Variants in ARPP19 observed in about 807,000 individuals in gnomAD.
The protein encoded by ARPP19 is cAMP regulated phosphoprotein 19, also known as cAMP-regulated phosphoprotein 19.
Under a neutral mutation model 12.0 loss-of-function variants are expected in ARPP19, and 8 were observed. The observed-to-expected ratio is 0.67, with a 90% confidence interval of 0.39 to 1.21. ARPP19 has a LOEUF of 1.21. Ranked by LOEUF, ARPP19 falls within the 50% of genes most tolerant of loss-of-function variation. The pLI is 0.01. For synonymous variants in ARPP19, 47 were observed against 50.4 expected (o/e 0.93, Z 0.29); for missense variants, 102 against 136.3 (o/e 0.75, Z 1.25).
At chr15:52,565,209 G>A (rs575081225) in intron 1 of ARPP19, among the ~76,000 whole-genome samples, 1 of 151,880 alleles carries the variant, frequency 6.6e-6, no homozygotes, top group East Asian at 1.9e-4. Context: ...TATTATTTTA[G>A]AGACGGGGTT....
At chr15:52,564,271 T>G (rs1288003114) in intron 1 of ARPP19, 18 of 1,520,878 alleles carry the variant, frequency 1.2e-5, no homozygotes, top group Non-Finnish European at 1.6e-5. Flanking sequence ...AAAACATGGA[T>G]GAGGCGGTTG....
intron 1 of ARPP19, among the ~76,000 whole-genome samples, chr15:52,560,463 T>C (rs2078022288): frequency 6.6e-6 from 1 of 152,250 alleles, no homozygotes; most frequent in African/African-American, 2.4e-5. Flanking sequence ...ATTCTTGAAC[T>C]TTCTTGCCAA....
intron 1 of ARPP19, among the ~76,000 whole-genome samples, chr15:52,561,081 C>T (rs185361820): frequency 1.3e-5 from 2 of 152,320 alleles, no homozygotes; most frequent in East Asian, 3.9e-4. Context: ...GTGGTTTCTG[C>T]TCCTGTCTCC....
In ARPP19 at chr15:52,550,638, TAAC is replaced by T. The variant is rs1248781454; in HGVS notation, c.*1293_*1295del. ...TCCTAAAAAAAAAAGAGAAAGAAGT[TAAC>T]AACTGAGAAATTAGAAGGAAAACGC... is the stretch of plus-strand genomic sequence containing the variant. On this transcript the variant is annotated 3_prime_UTR_variant, in exon 3 of 3. Transcript: ENST00000249822. The T allele has an allele frequency of 6.6e-6, 1 of 151,794 alleles. No individual in the cohort carries two copies. The highest frequency in any genetic ancestry group is 2.4e-5 in the African/African-American group (1 of 41,328). 9.4% of individuals were successfully genotyped at this position (151,794 alleles called of 1,614,324 possible).
intron 1 of ARPP19, among the ~76,000 whole-genome samples, chr15:52,560,771 A>C (rs1439395783): frequency 6.6e-6 from 1 of 152,250 alleles, no homozygotes; most frequent in African/African-American, 2.4e-5. Flanking sequence ...AAAAGGCATG[A>C]GAGAAAGAAT....
intron 1 of ARPP19, among the ~76,000 whole-genome samples, chr15:52,564,960 T>C (rs1312136853): frequency 2.0e-5 from 3 of 152,138 alleles, no homozygotes; most frequent in African/African-American, 4.8e-5. Flanking sequence ...AAGCACAATG[T>C]TGAGTGCTGT....
intron 2 of ARPP19, 120 bp downstream of exon 2, chr15:52,556,980 T>A: frequency 9.5e-7 from 1 of 1,057,166 alleles, no homozygotes; most frequent in Non-Finnish European, 1.4e-6. Flanking sequence ...CAGATACATA[T>A]ACACATATGT....
At chr15:52,565,014 T>C (rs894949894) in intron 1 of ARPP19, among the ~76,000 whole-genome samples, 1 of 151,530 alleles carries the variant, frequency 6.6e-6, no homozygotes, top group African/African-American at 2.4e-5. Context: ...CATAAGCTGC[T>C]CACAGTGCAA....
chr15:52,555,379 ATAATT>A (rs1262880377), intron 2 of ARPP19, among the ~76,000 whole-genome samples: 18 of 151,758 alleles, frequency 1.2e-4, no homozygotes, highest in African/African-American at 3.9e-4. Flanking sequence ...TCAAATCAAA[ATAATT>A]TAATAGCCAA....
chr15:52,569,278 T>C, upstream of ARPP19: 2 of 279,536 alleles, frequency 7.2e-6, no homozygotes, highest in South Asian at 3.6e-5. Flanking sequence ...CTGTCCACTC[T>C]GGTCCCCTCG....
chr15:52,564,519 G>A (rs2078064144), intron 1 of ARPP19, among the ~76,000 whole-genome samples: 2 of 152,140 alleles, frequency 1.3e-5, no homozygotes, highest in African/African-American at 4.8e-5. Flanking sequence ...TGGAAGCATG[G>A]GAAAACAATT....
intron 1 of ARPP19, among the ~76,000 whole-genome samples, chr15:52,558,200 C>T (rs2077999017): frequency 6.6e-6 from 1 of 151,876 alleles, no homozygotes; most frequent in Admixed American, 6.6e-5. Flanking sequence ...TCCTGTAATC[C>T]CAACACTTTG....
At chr15:52,557,854 G>C (rs2077995609) in intron 1 of ARPP19, 1 of 151,958 alleles carries the variant, frequency 6.6e-6, no homozygotes, top group South Asian at 2.1e-4. Context: ...TAGGATTACA[G>C]GCATGACCCA....
chr15:52,564,151 C>T (rs775086686), intron 1 of ARPP19: 16 of 1,440,132 alleles, frequency 1.1e-5, no homozygotes, highest in Admixed American at 5.9e-5. Context: ...ACTGCTAAGA[C>T]GGCTAAGAGA....
chr15:52,552,896 G>A lies in ARPP19; in HGVS notation c.169-792C>T, dbSNP rs1595861013. The stretch of plus-strand genomic sequence containing the variant: ...GTTTGAAACCAGAACGGCCAATATG[G>A]TGAAACCCCGTCTCTACTAAAAATA... On this transcript the variant is annotated intron_variant, in intron 2 of 2. Transcript: ENST00000249822. 2.0e-5 allele frequency among the ~76,000 whole-genome samples: 3 copies of A among 152,206 alleles called. No individual in the cohort carries two copies. In the East Asian group the frequency reaches 5.8e-4, roughly 29 times the overall value.
intron 1 of ARPP19, among the ~76,000 whole-genome samples, chr15:52,562,617 T>A (rs923766093): frequency 6.6e-6 from 1 of 151,072 alleles, no homozygotes; most frequent in Non-Finnish European, 1.5e-5. Context: ...GGAGACAGAG[T>A]GAGACCCTGT....
chr15:52,553,871 TG>T, intron 2 of ARPP19, among the ~76,000 whole-genome samples: 1 of 152,370 alleles, frequency 6.6e-6, no homozygotes, highest in South Asian at 2.1e-4. Flanking sequence ...AAGCCAGACC[TG>T]GTCTATGGCC....
intron 1 of ARPP19, among the ~76,000 whole-genome samples, chr15:52,558,482 A>AAAAAAAAAAAAAAAAAAAAAAG (rs559673591): frequency 3.4e-5 from 5 of 148,970 alleles, no homozygotes; most frequent in Admixed American, 6.7e-5. Flanking sequence ...AAAAAAAAAA[A>AAAAAAAAAAAAAAAAAAAAAAG]AAAGAAAGAA....
At chr15:52,561,936 T>C (rs1462314801) in intron 1 of ARPP19, among the ~76,000 whole-genome samples, 2 of 98,260 alleles carry the variant, frequency 2.0e-5, no homozygotes, top group African/African-American at 2.1e-4. Flanking sequence ...TGCACCTACT[T>C]TTTTTTTTTT....
Sources: allele counts gnomAD v4.1 joint callset (sites outside exome capture counted in the v4.1 genomes callset), GRCh38; gene constraint gnomAD v4.1.1; transcripts MANE v1.5; gene names NCBI Gene and HGNC (gene_info 2026-07-23, HGNC 2026-07-21).